Variants in GMDS observed in about 807,000 individuals in gnomAD.
GMDS encodes GDP-mannose 4,6-dehydratase.
Under a neutral mutation model 49.9 loss-of-function variants are expected in GMDS, and 20 were observed. That is an observed-to-expected ratio of 0.40 (90% CI 0.28 to 0.58). GMDS has a LOEUF of 0.58. Among genes scored for constraint, GMDS ranks in the 20% least tolerant of loss-of-function variants. GMDS has a pLI of 0.42. For synonymous variants in GMDS, 177 were observed against 178.6 expected, an observed-to-expected ratio of 0.99 and a Z score of 0.07; for missense variants, 362 against 481.4, an observed-to-expected ratio of 0.75 and a Z score of 2.32.
At chr6:2,072,534 G>C (rs1211048164) in intron 4 of GMDS, among the ~76,000 whole-genome samples, 1 of 152,160 alleles carries the variant, frequency 6.6e-6, no homozygotes, top group Non-Finnish European at 1.5e-5. Flanking sequence ...GTGGATTCTG[G>C]GAGTTACAGT....
At chr6:2,235,712 T>C (rs1239736777) in intron 1 of GMDS, among the ~76,000 whole-genome samples, 1 of 151,518 alleles carries the variant, frequency 6.6e-6, no homozygotes, top group South Asian at 2.1e-4. Flanking sequence ...CTCGGGAGGC[T>C]GAGGCCAAAG....
rs915662306 is a variant in GMDS, at chr6:2,177,391, G to A, written c.103-52660C>T. ...TATCAAAATTTGGCAGAAAAACAAC[G>A]AAAAAATAAAACTTCAGGCCAATAT... On this transcript the variant is annotated intron_variant, in intron 1 of 10. Transcript: ENST00000380815. Among the ~76,000 whole-genome samples the A allele has an allele frequency of 2.6e-5, 4 of 151,964 alleles. No individual in the cohort carries two copies. In the South Asian group the frequency reaches 6.2e-4, roughly 24 times the overall value.
At chr6:1,891,787 A>C (rs567216895) in intron 7 of GMDS, among the ~76,000 whole-genome samples, 1 of 152,316 alleles carries the variant, frequency 6.6e-6, no homozygotes, top group South Asian at 2.1e-4. Flanking sequence ...TTTTAACAAG[A>C]CTACCAGGTC....
At chr6:1,916,407 A>G (rs1054886257) in intron 7 of GMDS, among the ~76,000 whole-genome samples, 1 of 152,004 alleles carries the variant, frequency 6.6e-6, no homozygotes, top group Non-Finnish European at 1.5e-5. Flanking sequence ...TTCATATTGT[A>G]TTCCTACCCC....
chr6:2,202,056 C>T (rs1366331557), intron 1 of GMDS, among the ~76,000 whole-genome samples: 84 of 76,254 alleles, frequency 1.1e-3, no homozygotes, highest in South Asian at 1.6e-3. Flanking sequence ...GAGGGCAGCG[C>T]GTTAGCAGAG....
chr6:2,104,124 T>C (rs1774085831), intron 4 of GMDS, among the ~76,000 whole-genome samples: 2 of 152,222 alleles, frequency 1.3e-5, no homozygotes, highest in South Asian at 2.1e-4. Context: ...CTGCAACTTG[T>C]GCGTGGTTTC....
At chr6:2,013,658 C>T (rs936753026) in intron 4 of GMDS, among the ~76,000 whole-genome samples, 8 of 151,742 alleles carry the variant, frequency 5.3e-5, no homozygotes, top group African/African-American at 1.9e-4. Flanking sequence ...GAAATGAGTT[C>T]CCCTGGCATG....
chr6:1,653,511 AAAC>A (rs1377862057), intron 9 of GMDS, among the ~76,000 whole-genome samples: 2 of 152,234 alleles, frequency 1.3e-5, no homozygotes, highest in Non-Finnish European at 2.9e-5. Context: ...CAACAACAAC[AAAC>A]AATAGCAAAG....
chr6:2,028,572 G>A (rs572727525), intron 4 of GMDS, among the ~76,000 whole-genome samples: 1 of 152,262 alleles, frequency 6.6e-6, no homozygotes, highest in African/African-American at 2.4e-5. Context: ...GGTTTACAAA[G>A]GCTTGATCTT....
intron 1 of GMDS, among the ~76,000 whole-genome samples, chr6:2,142,966 C>A (rs534547640): frequency 2.2e-4 from 33 of 152,256 alleles, no homozygotes; most frequent in African/African-American, 7.7e-4. Context: ...GTGGAACTCA[C>A]AATTCTAAAT....
intron 8 of GMDS, 51 bp from the exon 9 acceptor site, chr6:1,726,563 G>T: frequency 7.2e-7 from 1 of 1,383,912 alleles, no homozygotes; most frequent in South Asian, 1.2e-5. Flanking sequence ...GGGAACATTT[G>T]GCCATGCTGT....
intron 7 of GMDS, among the ~76,000 whole-genome samples, chr6:1,924,663 T>G (rs1257380386): frequency 6.6e-6 from 1 of 152,204 alleles, no homozygotes; most frequent in Non-Finnish European, 1.5e-5. Flanking sequence ...TGGCAGGAAC[T>G]CAATAGAATA....
At chr6:1,895,228 C>A (rs1289095680) in intron 7 of GMDS, among the ~76,000 whole-genome samples, 1 of 152,150 alleles carries the variant, frequency 6.6e-6, no homozygotes, top group Non-Finnish European at 1.5e-5. Context: ...GCTAAACCTG[C>A]CTTCCGTCCA....
intron 8 of GMDS, among the ~76,000 whole-genome samples, chr6:1,737,794 TACATACACAC>T (rs1561769148): frequency 2.7e-5 from 1 of 37,638 alleles, no homozygotes; most frequent in African/African-American, 7.7e-5. Flanking sequence ...CATACACACA[TACATACACAC>T]ACATACACAC....
chr6:2,244,986 C>T (rs1221168331), intron 1 of GMDS, among the ~76,000 whole-genome samples: 1 of 152,192 alleles, frequency 6.6e-6, no homozygotes, highest in African/African-American at 2.4e-5. Flanking sequence ...CTAGGAGCTG[C>T]GAAGCACGAC....
At chr6:2,012,422 ATTGGT>A (rs1415670120) in intron 4 of GMDS, among the ~76,000 whole-genome samples, 2 of 152,128 alleles carry the variant, frequency 1.3e-5, no homozygotes, top group Non-Finnish European at 2.9e-5. Flanking sequence ...ATGAAGACAG[ATTGGT>A]TAAAAGGACG....
chr6:1,686,955 C>T (rs562410521), intron 9 of GMDS, among the ~76,000 whole-genome samples: 4 of 152,296 alleles, frequency 2.6e-5, no homozygotes, highest in South Asian at 4.1e-4. Flanking sequence ...CTACCAGCAG[C>T]GCCATCTGTT....
intron 6 of GMDS, among the ~76,000 whole-genome samples, chr6:1,948,488 TA>T (rs1055439556): frequency 2.6e-5 from 4 of 152,040 alleles, no homozygotes; most frequent in Admixed American, 6.6e-5. Flanking sequence ...ATGTATCACT[TA>T]AAAAAATACT....
chr6:1,714,315 G>T (rs1766093985), intron 9 of GMDS, among the ~76,000 whole-genome samples: 1 of 151,934 alleles, frequency 6.6e-6, no homozygotes, highest in Non-Finnish European at 1.5e-5. Flanking sequence ...ACTGTGCCCG[G>T]CCTCACTTTT....
Sources: allele counts gnomAD v4.1 joint callset (sites outside exome capture counted in the v4.1 genomes callset), GRCh38; gene constraint gnomAD v4.1.1; transcripts MANE v1.5; gene names NCBI Gene and HGNC (gene_info 2026-07-23, HGNC 2026-07-21).